Variants in TBC1D2B observed in about 807,000 individuals in gnomAD.
The protein encoded by TBC1D2B is TBC1 domain family, member 2B.
A neutral mutation model predicts 100.8 loss-of-function variants in TBC1D2B; 64 were observed. The ratio of observed to expected loss-of-function variants is 0.64; its 90% CI spans 0.52 to 0.78. TBC1D2B has a LOEUF of 0.78. Among genes scored for constraint, TBC1D2B ranks in the 30% least tolerant of loss-of-function variants. The probability of loss-of-function intolerance (pLI) is 0.00; values close to 1 mark genes in which losing one functional copy is unlikely to be tolerated. For missense variants in TBC1D2B, 1,052 were observed against 1,218.4 expected (o/e 0.86, Z 2.03); for synonymous variants, 480 against 479.7 (o/e 1.00, Z -0.01).
At chr15:78,039,215 T>A (rs1005670530) in intron 3 of TBC1D2B, among the ~76,000 whole-genome samples, 14 of 152,188 alleles carry the variant, frequency 9.2e-5, no homozygotes, top group African/African-American at 3.1e-4. Flanking sequence ...ACATTACGGC[T>A]CCGGGACAGG....
chr15:78,036,294 G>A (rs1402711988), intron 3 of TBC1D2B, among the ~76,000 whole-genome samples: 1 of 152,184 alleles, frequency 6.6e-6, no homozygotes, highest in Non-Finnish European at 1.5e-5. Flanking sequence ...ACACAACTAA[G>A]AAGGCAGGCC....
At chr15:78,042,861 G>T (rs1024150936) in intron 3 of TBC1D2B, among the ~76,000 whole-genome samples, 1 of 152,212 alleles carries the variant, frequency 6.6e-6, no homozygotes, top group African/African-American at 2.4e-5. Context: ...CAGGCTGAGG[G>T]CTATCAGCGT....
intron 1 of TBC1D2B, among the ~76,000 whole-genome samples, chr15:78,072,141 A>G (rs1596333075): frequency 6.6e-6 from 1 of 152,246 alleles, no homozygotes; most frequent in South Asian, 2.1e-4. Flanking sequence ...TTTCAGGAAC[A>G]CAAACACTAG....
chr15:78,056,633 TGA>T (rs1362917377), intron 1 of TBC1D2B, among the ~76,000 whole-genome samples: 10 of 148,754 alleles, frequency 6.7e-5, no homozygotes, highest in Admixed American at 2.7e-4. Context: ...AGTCAGGAAC[TGA>T]GAGACACAAC....
At chr15:78,048,099 C>T (rs148371554) in intron 2 of TBC1D2B, among the ~76,000 whole-genome samples, 123 of 152,250 alleles carry the variant, frequency 8.1e-4, no homozygotes, top group African/African-American at 2.8e-3. Context: ...AAACCCCAGG[C>T]CTTGCAGCAA....
chr15:78,026,090 T>C (rs1006664742), intron 4 of TBC1D2B, among the ~76,000 whole-genome samples: 2 of 152,066 alleles, frequency 1.3e-5, no homozygotes, highest in Non-Finnish European at 2.9e-5. Flanking sequence ...AAGCATCCTA[T>C]TTTTGCTAAT....
At chr15:78,042,925 T>C (rs1459729823) in intron 3 of TBC1D2B, among the ~76,000 whole-genome samples, 2 of 151,980 alleles carry the variant, frequency 1.3e-5, no homozygotes, top group Admixed American at 6.6e-5. Flanking sequence ...AAAAAGCCGA[T>C]GAATGGGAGC....
At chr15:78,039,671 C>T (rs1022134617) in intron 3 of TBC1D2B, among the ~76,000 whole-genome samples, 2 of 152,034 alleles carry the variant, frequency 1.3e-5, no homozygotes, top group Non-Finnish European at 1.5e-5. Context: ...ATTTACTGAG[C>T]ACTTACAATG....
Position 78,016,719 on chromosome 15 carries a change from C to T in TBC1D2B, c.1602G>A (p.Lys534=), listed in dbSNP as rs770779572. ...GGTATTTACTTTCTATCTGGCAGAG[C>T]TTGGCTTCCAGGCTAGAATACTGCA... The part of the protein sequence containing the change: ...LMAKYSSLEA[K]LCQIESKYLI... Residue 534 remains lysine, a synonymous_variant, in exon 8 of 13, where the codon AAG becomes AAA. Transcript: ENST00000300584. 12 of 1,566,234 alleles carry T rather than the reference C, an allele frequency of 7.7e-6. No individual in the cohort carries two copies. Among genetic ancestry groups the T allele is most frequent in the Non-Finnish European group, 2.6e-6 (3 of 1,158,014 alleles).
intron 3 of TBC1D2B, among the ~76,000 whole-genome samples, chr15:78,035,398 T>G (rs1401558030): frequency 6.6e-6 from 1 of 152,246 alleles, no homozygotes; most frequent in Non-Finnish European, 1.5e-5. Flanking sequence ...TCTTCCAAGT[T>G]AACCCCTCCA....
At chr15:78,046,654 G>A (rs1488046975) in intron 2 of TBC1D2B, among the ~76,000 whole-genome samples, 4 of 151,202 alleles carry the variant, frequency 2.6e-5, no homozygotes, top group Non-Finnish European at 1.5e-5. Context: ...TTTTTCTTTT[G>A]TAGAGACAGG....
chr15:78,003,216 C>G, intron 11 of TBC1D2B, 89 bp downstream of exon 11: 1 of 1,208,786 alleles, frequency 8.3e-7, no homozygotes, highest in Non-Finnish European at 1.2e-6. Flanking sequence ...CTCATAAGTT[C>G]CAGGTGAGCC....
intron 1 of TBC1D2B, among the ~76,000 whole-genome samples, chr15:78,059,270 A>G (rs976977101): frequency 1.3e-5 from 2 of 152,238 alleles, no homozygotes; most frequent in South Asian, 2.1e-4. Context: ...GCTGGTCTCA[A>G]TACGATCCAA....
At chr15:78,050,018 C>T (rs1314687399) in intron 2 of TBC1D2B, among the ~76,000 whole-genome samples, 1 of 152,216 alleles carries the variant, frequency 6.6e-6, no homozygotes, top group Non-Finnish European at 1.5e-5. Context: ...CACAAAAGCA[C>T]AGCTTCCTTG....
intron 1 of TBC1D2B, chr15:78,066,114 C>T (rs982112997): frequency 6.4e-5 from 30 of 470,068 alleles, no homozygotes; most frequent in African/African-American, 3.6e-4. Context: ...CTGGAGCCTC[C>T]CTCTGAATGC....
At chr15:78,038,167 C>T (rs763249609) in intron 3 of TBC1D2B, among the ~76,000 whole-genome samples, 1 of 152,206 alleles carries the variant, frequency 6.6e-6, no homozygotes, top group Non-Finnish European at 1.5e-5. Flanking sequence ...CGGTGCTGGA[C>T]ACCCACCATG....
chr15:78,017,851 G>A lies in TBC1D2B; in HGVS notation c.1577C>T (p.Ala526Val), dbSNP rs2072415647. The A allele has an allele frequency of 6.2e-7, 1 of 1,602,980 alleles. No individual in the cohort carries two copies. Among genetic ancestry groups the A allele is most frequent in the Non-Finnish European group, 8.5e-7 (1 of 1,173,006 alleles). The change falls in exon 7 of 13, where the codon GCA becomes GTA. Residue 526 changes from alanine (A) to valine (V), a missense_variant. By Grantham distance (64) the Ala-to-Val change is moderately conservative (BLOSUM62 0). Around this residue, in one of 4 missense-constraint regions of TBC1D2B, gnomAD observed 373 missense variants for 464.9 expected, o/e 0.80. Transcript: ENST00000300584. ...AATCCACCTATCCTGACCCACCTTT[G>A]CCATCAGATCCCTCTCTCTCCTTTC... ...NAERRERDLM[A>V]KYSSLEAKLC...
In TBC1D2B at chr15:78,045,858, T is replaced by C. The variant is rs554859177; in HGVS notation, c.515-790A>G. On this transcript the variant is annotated intron_variant, in intron 2 of 12. Transcript: ENST00000300584. ...TAAACCTAGAGGTAATATTATGTTA[T>C]TCTTCGTATATGTTTAAAATTTCCC... is the stretch of plus-strand genomic sequence containing the variant. 2.6e-5 allele frequency among the ~76,000 whole-genome samples: 4 copies of C among 152,392 alleles called. No homozygotes were observed. The East Asian group carries it at 5.8e-4, about 22-fold the overall frequency.
Position 77,998,018 on chromosome 15 carries a change from T to A in TBC1D2B, c.*142A>T, listed in dbSNP as rs190487874. On this transcript the variant is annotated 3_prime_UTR_variant, in exon 13 of 13. Transcript: ENST00000300584. The stretch of plus-strand genomic sequence containing the variant: ...CCCCTGCCCCCCGCACAGTGGGAAA[T>A]GAGGAAGGGCAGCCTGGCTTGGGAC... 1.1e-4 allele frequency: 81 copies of A among 753,226 alleles called. No individual in the cohort carries two copies. The highest frequency in any genetic ancestry group is 1.1e-3 in the South Asian group (49 of 46,048). 46.7% of individuals were successfully genotyped at this position (753,226 alleles called of 1,614,324 possible). A position where few individuals can be genotyped will look rare whatever the true frequency, so the allele number is the denominator to read the frequency against.
Sources: gnomAD v4.1 joint callset for allele counts (sites outside exome capture counted in the v4.1 genomes callset) on GRCh38, gnomAD v4.1.1 for gene constraint, gnomAD v4.1.1 regional missense constraint, MANE v1.5 for transcripts, NCBI Gene and HGNC (gene_info 2026-07-23, HGNC 2026-07-21) for gene names.